The following TRAPPC9 variants were observed in gnomAD, a reference collection of about 807,000 sequenced individuals.
TRAPPC9 encodes the protein IKK2 binding protein.
A neutral mutation model predicts 124.0 loss-of-function variants in TRAPPC9; 83 were observed. The ratio of observed to expected loss-of-function variants is 0.67; its 90% CI spans 0.56 to 0.80. The LOEUF is 0.80. Ranked by LOEUF, TRAPPC9 falls within the 30% of genes least tolerant of loss-of-function variation. The probability of loss-of-function intolerance (pLI) is 0.00; values close to 1 mark genes in which losing one functional copy is unlikely to be tolerated. For synonymous variants in TRAPPC9, 638 were observed against 617.5 expected, an observed-to-expected ratio of 1.03 and a Z score of -0.49; for missense variants, 1,302 against 1,508.3, an observed-to-expected ratio of 0.86 and a Z score of 2.27.
chr8:140,408,433 T>C (rs2069575564), intron 5 of TRAPPC9, among the ~76,000 whole-genome samples: 1 of 151,380 alleles, frequency 6.6e-6, no homozygotes, highest in South Asian at 2.1e-4. Flanking sequence ...GACATACACA[T>C]AAGATAAAGC....
intron 9 of TRAPPC9, among the ~76,000 whole-genome samples, chr8:140,337,869 T>C (rs897172748): frequency 6.6e-6 from 1 of 151,776 alleles, no homozygotes; most frequent in African/African-American, 2.4e-5. Flanking sequence ...CCGGGCACCC[T>C]GTTGCCTGGT....
At chr8:140,389,592 G>C (rs950606460) in intron 7 of TRAPPC9, among the ~76,000 whole-genome samples, 1 of 152,074 alleles carries the variant, frequency 6.6e-6, no homozygotes, top group Non-Finnish European at 1.5e-5. Context: ...TAGCACAGTG[G>C]CTAAAAAAAT....
rs1819686531 is a variant in TRAPPC9 at position 139,755,611 on chromosome 8, GTTGGGGT to G, written c.3056-23416_3056-23410del. On this transcript the variant is annotated intron_variant, in intron 21 of 22. Coordinates refer to ENST00000438773, the MANE Select transcript of TRAPPC9 (RefSeq NM_001160372.4). ...ACAGCAGGTCGCAGGAGGAGCCAGG[GTTGGGGT>G]ATAAGGACAGCAGGTCGCAGGAGGA... 2.0e-5 allele frequency among the ~76,000 whole-genome samples: 2 copies of G among 100,734 alleles called. 1 individual carries two copies. Among genetic ancestry groups the G allele is most frequent in the African/African-American group, 1.1e-4 (2 of 18,422 alleles). The allele number at this position is 100,734 out of a possible 152,430, so 66.1% of individuals were successfully genotyped here.
At chr8:140,083,284 TCAAA>T (rs1211197743) in intron 17 of TRAPPC9, among the ~76,000 whole-genome samples, 1 of 152,160 alleles carries the variant, frequency 6.6e-6, no homozygotes, top group Non-Finnish European at 1.5e-5. Context: ...CACGGAGATA[TCAAA>T]CAGTGTTTAA....
intron 20 of TRAPPC9, chr8:139,904,717 A>G (rs1441965362): frequency 2.0e-5 from 3 of 152,212 alleles, no homozygotes; most frequent in East Asian, 1.9e-4. Context: ...CTGCTCACCC[A>G]TAGGTGACCA....
chr8:139,834,871 T>G (rs1021345223), intron 21 of TRAPPC9, among the ~76,000 whole-genome samples: 5 of 152,206 alleles, frequency 3.3e-5, no homozygotes, highest in Non-Finnish European at 7.4e-5. Context: ...AGCGGGGCTG[T>G]TGCTGGGAGC....
intron 17 of TRAPPC9, among the ~76,000 whole-genome samples, chr8:140,204,311 A>G (rs1448856222): frequency 2.0e-5 from 3 of 152,166 alleles, no homozygotes; most frequent in African/African-American, 4.8e-5. Flanking sequence ...GGATGAGTTC[A>G]TGTCCTTTGT....
At chr8:140,024,663 C>T (rs1840020655) in intron 17 of TRAPPC9, among the ~76,000 whole-genome samples, 1 of 152,042 alleles carries the variant, frequency 6.6e-6, no homozygotes, top group African/African-American at 2.4e-5. Flanking sequence ...TCCCAAGGTG[C>T]TGGGATGACA....
At chr8:139,950,690 C>G (rs1422833808) in intron 19 of TRAPPC9, among the ~76,000 whole-genome samples, 1 of 152,192 alleles carries the variant, frequency 6.6e-6, no homozygotes. Flanking sequence ...TGAATCAGAC[C>G]TTTCCCAAAT....
At chr8:140,056,871 AG>A (rs779690059) in intron 17 of TRAPPC9, among the ~76,000 whole-genome samples, 1 of 152,190 alleles carries the variant, frequency 6.6e-6, no homozygotes, top group Non-Finnish European at 1.5e-5. Context: ...CAGAGTGAAA[AG>A]GCAACCTACA....
At chr8:140,125,820 C>A (rs1293024262) in intron 17 of TRAPPC9, among the ~76,000 whole-genome samples, 1 of 151,894 alleles carries the variant, frequency 6.6e-6, no homozygotes, top group Non-Finnish European at 1.5e-5. Context: ...TCCAAACCTG[C>A]ATGTTTGAGA....
intron 21 of TRAPPC9, among the ~76,000 whole-genome samples, chr8:139,883,272 G>A (rs1216790980): frequency 6.6e-6 from 1 of 152,376 alleles, no homozygotes; most frequent in African/African-American, 2.4e-5. Flanking sequence ...GCCCTCGCCA[G>A]ACATAGCTCC....
chr8:139,734,234 G>A (rs1818015831), intron 21 of TRAPPC9, among the ~76,000 whole-genome samples: 1 of 152,242 alleles, frequency 6.6e-6, no homozygotes, highest in Non-Finnish European at 1.5e-5. Context: ...TGGGACATCA[G>A]TGCTCTCCAT....
intron 7 of TRAPPC9, 150 bp from the exon 8 acceptor site, chr8:140,371,330 C>T (rs1056040675): frequency 3.3e-6 from 3 of 896,262 alleles, no homozygotes; most frequent in African/African-American, 3.3e-5. Flanking sequence ...CAGCGCATGG[C>T]GCAGGCCCCA....
chr8:140,435,288 A>T (rs751229531), intron 3 of TRAPPC9, 48 bp from the exon 4 acceptor site: 104 of 580,546 alleles, frequency 1.8e-4, no homozygotes, highest in Non-Finnish European at 2.5e-4. Flanking sequence ...CAAAAAACAA[A>T]AACCAGCATC....
At chr8:139,744,807 G>C (rs1818783546) in intron 21 of TRAPPC9, among the ~76,000 whole-genome samples, 1 of 152,198 alleles carries the variant, frequency 6.6e-6, no homozygotes, top group South Asian at 2.1e-4. Flanking sequence ...AGGAGCTGTT[G>C]GGCTCTCTTG....
intron 17 of TRAPPC9, among the ~76,000 whole-genome samples, chr8:140,118,887 G>T (rs186238461): frequency 1.3e-5 from 2 of 152,230 alleles, no homozygotes; most frequent in Admixed American, 1.3e-4. Flanking sequence ...TCCCACCTGC[G>T]GCCTGGCCCT....
chr8:140,423,308 T>C (rs2070287357), intron 5 of TRAPPC9, among the ~76,000 whole-genome samples: 1 of 151,864 alleles, frequency 6.6e-6, no homozygotes, highest in Non-Finnish European at 1.5e-5. Flanking sequence ...GGCATGGTGG[T>C]GGGCACCTGT....
chr8:140,421,408 G>A (rs1194748595), intron 5 of TRAPPC9, among the ~76,000 whole-genome samples: 1 of 152,156 alleles, frequency 6.6e-6, no homozygotes, highest in Non-Finnish European at 1.5e-5. Context: ...TTACTCTGTT[G>A]TGTAACCATA....
Sources: allele counts gnomAD v4.1 joint callset (sites outside exome capture counted in the v4.1 genomes callset), GRCh38; gene constraint gnomAD v4.1.1; transcripts MANE v1.5; gene names NCBI Gene and HGNC (gene_info 2026-07-23, HGNC 2026-07-21).